Variants in AP3S2 observed in about 807,000 individuals in gnomAD.
AP3S2 encodes the protein AP-3 complex subunit sigma-2.
In AP3S2, 22 loss-of-function variants were observed where a neutral mutation model predicts 23.4. That is an observed-to-expected ratio of 0.94 (90% confidence interval 0.67 to 1.34). The LOEUF is 1.34. AP3S2 is among the 40% of genes most tolerant of loss of function. The probability of loss-of-function intolerance (pLI) is 0.00; values close to 1 mark genes in which losing one functional copy is unlikely to be tolerated. For synonymous variants in AP3S2, 86 were observed against 87.1 expected (o/e 0.99, Z 0.07); for missense variants, 241 against 236.9 (o/e 1.02, Z -0.11).
chr15:89,884,682 C>G (rs1172417553), intron 3 of AP3S2, among the ~76,000 whole-genome samples: 2 of 149,700 alleles, frequency 1.3e-5, no homozygotes, highest in Non-Finnish European at 3.0e-5. Context: ...GAGTCTCACT[C>G]TATCACCCAG....
At chr15:89,868,948 G>A (rs1169166380) in intron 4 of AP3S2, among the ~76,000 whole-genome samples, 72 of 142,842 alleles carry the variant, frequency 5.0e-4, no homozygotes, top group Non-Finnish European at 6.4e-4. Flanking sequence ...GAGGGAGGTG[G>A]GGGGGTCAGC....
intron 4 of AP3S2, among the ~76,000 whole-genome samples, chr15:89,864,353 A>G (rs757158829): frequency 1.3e-5 from 2 of 152,232 alleles, no homozygotes; most frequent in Non-Finnish European, 2.9e-5. Flanking sequence ...ACTGGAAAAA[A>G]AGCTTTTGAT....
At chr15:89,874,128 T>G (rs1464080737) in intron 3 of AP3S2, among the ~76,000 whole-genome samples, 9 of 7,992 alleles carry the variant, frequency 1.1e-3, no homozygotes, top group Middle Eastern at 0.038. Context: ...GGGTTTTGGG[T>G]TTTTTTTTTT....
chr15:89,860,457 G>A (rs1440551985), intron 4 of AP3S2, among the ~76,000 whole-genome samples: 2 of 152,118 alleles, frequency 1.3e-5, no homozygotes, highest in South Asian at 2.1e-4. Context: ...TACACAGCAC[G>A]GATACAATGG....
In AP3S2 at chr15:89,873,873, T is replaced by C. The variant is rs1172620145; in HGVS notation, c.274-2327A>G. Among the ~76,000 whole-genome samples, 3 of 141,736 alleles carry C rather than the reference T, an allele frequency of 2.1e-5. No individual in the cohort carries two copies. In the Admixed American group the frequency reaches 2.3e-4, roughly 11 times the overall value. The allele number at this position is 141,736 out of a possible 152,430, so 93.0% of individuals were successfully genotyped here. A position where few individuals can be genotyped will look rare whatever the true frequency, so the allele number is the denominator to read the frequency against. On this transcript the variant is annotated intron_variant, in intron 3 of 5. Coordinates refer to ENST00000336418, the MANE Select transcript of AP3S2 (RefSeq NM_005829.5). ...TTAAAATAAATGTCTTATTTCTCTG[T>C]GGCTTTTTTTTTTTTTTTTTTTTTT...
At chr15:89,843,900 T>C (rs756671493) in intron 4 of AP3S2, among the ~76,000 whole-genome samples, 4 of 152,026 alleles carry the variant, frequency 2.6e-5, no homozygotes, top group Non-Finnish European at 5.9e-5. Flanking sequence ...AAGACTAAAA[T>C]AGGATTAGGG....
intron 3 of AP3S2, among the ~76,000 whole-genome samples, chr15:89,873,199 A>G (rs2141883571): frequency 6.6e-6 from 1 of 151,530 alleles, no homozygotes; most frequent in African/African-American, 2.4e-5. Flanking sequence ...TTATCGAATT[A>G]TTTTGTTGAG....
intron 3 of AP3S2, chr15:89,878,127 T>C: frequency 2.0e-6 from 1 of 499,164 alleles, no homozygotes; most frequent in Non-Finnish European, 3.5e-6. Flanking sequence ...AAATAAATGT[T>C]ATGCAGATGT....
chr15:89,892,906 C>T (rs1200906539), intron 1 of AP3S2, among the ~76,000 whole-genome samples: 1 of 152,110 alleles, frequency 6.6e-6, no homozygotes, highest in Non-Finnish European at 1.5e-5. Context: ...CCTCGTGATC[C>T]GCCCGCCTCG....
chr15:89,861,306 T>C (rs1896005020), intron 4 of AP3S2, among the ~76,000 whole-genome samples: 1 of 152,146 alleles, frequency 6.6e-6, no homozygotes, highest in Non-Finnish European at 1.5e-5. Context: ...TTGAAATCTA[T>C]TTAAAAAAAA....
intron 4 of AP3S2, among the ~76,000 whole-genome samples, chr15:89,868,016 C>A (rs1449844134): frequency 7.1e-6 from 1 of 139,940 alleles, no homozygotes; most frequent in African/African-American, 2.7e-5. Context: ...CCCGGCCAGC[C>A]GCCCCGTCCA....
intron 1 of AP3S2, chr15:89,889,443 CA>C (rs1238700149): frequency 2.9e-5 from 8 of 277,432 alleles, no homozygotes; most frequent in Non-Finnish European, 7.0e-6. Flanking sequence ...AACTCTCATA[CA>C]AAGTCAGAGA....
At chr15:89,893,030 A>G (rs746195290) in intron 1 of AP3S2, 11 of 152,232 alleles carry the variant, frequency 7.2e-5, no homozygotes, top group Non-Finnish European at 1.3e-4. Flanking sequence ...TAAAAATCTT[A>G]TGAAGGAGTA....
At chr15:89,877,576 C>T (rs568702167) in intron 3 of AP3S2, among the ~76,000 whole-genome samples, 15 of 152,224 alleles carry the variant, frequency 9.9e-5, no homozygotes, top group Admixed American at 5.2e-4. Flanking sequence ...TGGCCGGGCG[C>T]GGTGGCTCAT....
chr15:89,861,405 A>C (rs1256201405), intron 4 of AP3S2, among the ~76,000 whole-genome samples: 2 of 152,334 alleles, frequency 1.3e-5, no homozygotes, highest in East Asian at 3.9e-4. Flanking sequence ...TTCTAAATCC[A>C]GCTTTGCTAT....
chr15:89,855,155 G>A (rs1895795423), intron 4 of AP3S2, among the ~76,000 whole-genome samples: 1 of 112,006 alleles, frequency 8.9e-6, no homozygotes, highest in Non-Finnish European at 1.9e-5. Flanking sequence ...AGTAGACATG[G>A]GAGACTTTTC....
chr15:89,891,479 C>A (rs1051488516), intron 1 of AP3S2, among the ~76,000 whole-genome samples: 1 of 151,918 alleles, frequency 6.6e-6, no homozygotes, highest in Non-Finnish European at 1.5e-5. Flanking sequence ...GCCAACACAG[C>A]GAAACCCCAT....
intron 4 of AP3S2, among the ~76,000 whole-genome samples, chr15:89,838,729 A>G (rs1242900980): frequency 2.0e-5 from 3 of 152,212 alleles, no homozygotes; most frequent in Non-Finnish European, 2.9e-5. Context: ...AAGAAAGGGT[A>G]CAGTGGCTAG....
intron 1 of AP3S2, among the ~76,000 whole-genome samples, chr15:89,889,793 A>G (rs1481418732): frequency 6.9e-6 from 1 of 144,068 alleles, no homozygotes; most frequent in Admixed American, 7.3e-5. Context: ...GAACCCAGGA[A>G]GCGGAGGTTA....
Sources: allele counts gnomAD v4.1 joint callset (sites outside exome capture counted in the v4.1 genomes callset), GRCh38; gene constraint gnomAD v4.1.1; transcripts MANE v1.5; gene names NCBI Gene and HGNC (gene_info 2026-07-23, HGNC 2026-07-21).